FIP1L1: variants seen among roughly 807,000 people sequenced by gnomAD.
FIP1L1 encodes pre-mRNA 3'-end-processing factor FIP1.
In FIP1L1, 21 loss-of-function variants were observed where a neutral mutation model predicts 84.6. That is an observed-to-expected ratio of 0.25 (90% confidence interval 0.18 to 0.36). The LOEUF is 0.36. Among genes scored for constraint, FIP1L1 ranks in the 10% least tolerant of loss-of-function variants. FIP1L1 has a pLI of 1.00. For synonymous variants in FIP1L1, 263 were observed against 242.3 expected (o/e 1.09, Z -0.80); for missense variants, 526 against 751.1 (o/e 0.70, Z 3.50).
At chr4:53,422,750 T>C (rs1426509515) in intron 11 of FIP1L1, among the ~76,000 whole-genome samples, 2 of 151,990 alleles carry the variant, frequency 1.3e-5, no homozygotes, top group African/African-American at 4.8e-5. Context: ...GCTCTTGTTT[T>C]GTTGCCCAGT....
At chr4:53,379,804 A>T (rs765292175) in intron 3 of FIP1L1, among the ~76,000 whole-genome samples, 4 of 152,188 alleles carry the variant, frequency 2.6e-5, no homozygotes, top group Non-Finnish European at 5.9e-5. Flanking sequence ...ATATACAGGG[A>T]GTCAGAATTT....
At chr4:53,432,438 T>TA (rs1767187545) in intron 13 of FIP1L1, among the ~76,000 whole-genome samples, 1 of 136,074 alleles carries the variant, frequency 7.3e-6, no homozygotes, top group Non-Finnish European at 1.6e-5. Context: ...AGAAAACAAA[T>TA]ACTGGCTAAT....
chr4:53,383,053 T>A (rs1157411961), intron 4 of FIP1L1, among the ~76,000 whole-genome samples: 3 of 152,066 alleles, frequency 2.0e-5, no homozygotes, highest in Non-Finnish European at 2.9e-5. Context: ...ATTTGGTACA[T>A]TGTATTTGTG....
intron 13 of FIP1L1, among the ~76,000 whole-genome samples, chr4:53,440,244 A>T (rs1468425578): frequency 1.3e-5 from 2 of 152,182 alleles, no homozygotes; most frequent in South Asian, 4.1e-4. Context: ...TTAAAATAAC[A>T]ACCTCAGGCA....
chr4:53,452,772 G>A (rs1179437049), intron 15 of FIP1L1, 148 bp from the exon 16 acceptor site: 6 of 607,534 alleles, frequency 9.9e-6, no homozygotes, highest in South Asian at 4.1e-5. Flanking sequence ...GGATCTTCCC[G>A]ATACTGTGGG....
intron 10 of FIP1L1, among the ~76,000 whole-genome samples, chr4:53,411,042 G>T (rs1756984429): frequency 6.6e-6 from 1 of 152,126 alleles, no homozygotes; most frequent in South Asian, 2.1e-4. Context: ...TGACAGTCTT[G>T]TCGCTGCTTT....
At chr4:53,381,750 A>ATTTTTTTTTTTTTTTTTTTTTTTTTTTTT (rs1233462083) in intron 3 of FIP1L1, among the ~76,000 whole-genome samples, 1 of 63,068 alleles carries the variant, frequency 1.6e-5, no homozygotes, top group Non-Finnish European at 3.0e-5. Flanking sequence ...AGGCATTTGC[A>ATTTTTTTTTTTTTTTTTTTTTTTTTTTTT]TTCTTTTTTT....
chr4:53,391,837 A>T (rs1055671372), intron 9 of FIP1L1, among the ~76,000 whole-genome samples: 11 of 152,210 alleles, frequency 7.2e-5, no homozygotes, highest in African/African-American at 2.4e-4. Context: ...TATCAACAGA[A>T]TTGGAAACTT....
At chr4:53,444,291 G>A (rs1238235419) in intron 15 of FIP1L1, among the ~76,000 whole-genome samples, 188 bp downstream of exon 15, 1 of 152,188 alleles carries the variant, frequency 6.6e-6, no homozygotes, top group African/African-American at 2.4e-5. Flanking sequence ...TTTATCAACT[G>A]TGCTTTTAAA....
At chr4:53,404,346 T>A (rs1217441569) in intron 10 of FIP1L1, among the ~76,000 whole-genome samples, 1 of 151,940 alleles carries the variant, frequency 6.6e-6, no homozygotes, top group Non-Finnish European at 1.5e-5. Context: ...GAACTCATCA[T>A]TTTTTTATGG....
At chr4:53,421,376 T>C (rs1032397226) in intron 11 of FIP1L1, among the ~76,000 whole-genome samples, 7 of 152,300 alleles carry the variant, frequency 4.6e-5, no homozygotes, top group East Asian at 1.9e-4. Flanking sequence ...CACGTAGAAA[T>C]TGTGCACATA....
At chr4:53,436,685 T>G (rs1769354628) in intron 13 of FIP1L1, among the ~76,000 whole-genome samples, 2 of 152,210 alleles carry the variant, frequency 1.3e-5, no homozygotes, top group Non-Finnish European at 2.9e-5. Flanking sequence ...ACATTGAGAA[T>G]GAGTTTATAG....
At chr4:53,415,588 A>C (rs1208652909) in intron 11 of FIP1L1, among the ~76,000 whole-genome samples, 2 of 150,946 alleles carry the variant, frequency 1.3e-5, no homozygotes, top group South Asian at 4.2e-4. Context: ...GCTCAATGCT[A>C]TATAAATATG....
At position 53,437,466 on chromosome 4, in the gene FIP1L1, T is replaced by G. The variant is rs1238068195; in HGVS notation, c.1175-5187T>G. On this transcript the variant is annotated intron_variant, in intron 13 of 17. Transcript: ENST00000337488. ...TCATAAAAATTCGGAATGGGATTTATTTAGTCTGTACTAAATTGCTCAGCA... is the reference window on the plus strand; with the variant it reads ...TCATAAAAATTCGGAATGGGATTTAGTTAGTCTGTACTAAATTGCTCAGCA... 2.0e-5 allele frequency among the ~76,000 whole-genome samples: 3 copies of G among 152,108 alleles called. No homozygotes were observed. In the East Asian group the frequency reaches 5.8e-4, roughly 29 times the overall value.
chr4:53,394,770 C>A (rs55655046), intron 9 of FIP1L1, among the ~76,000 whole-genome samples: 63,114 of 151,542 alleles, frequency 0.42, 14,804 homozygotes, highest in Admixed American at 0.53. Flanking sequence ...TTGACTTTAA[C>A]ATGTAATGTT....
intron 9 of FIP1L1, among the ~76,000 whole-genome samples, chr4:53,393,656 G>A (rs1200463598): frequency 3.9e-5 from 6 of 151,938 alleles, no homozygotes; most frequent in Non-Finnish European, 1.5e-5. Flanking sequence ...CAAGAGAGAA[G>A]TGACTAGTGG....
chr4:53,459,191 G>A, intron 17 of FIP1L1, 111 bp from the exon 18 acceptor site: 1 of 742,380 alleles, frequency 1.3e-6, no homozygotes, highest in Non-Finnish European at 2.2e-6. Context: ...AAATGCATTA[G>A]ATTATTTTAA....
intron 10 of FIP1L1, among the ~76,000 whole-genome samples, chr4:53,405,991 A>G (rs1322135498): frequency 2.6e-5 from 4 of 151,852 alleles, no homozygotes; most frequent in African/African-American, 9.7e-5. Flanking sequence ...CTAATTGAAT[A>G]CCCTTTATTT....
At chr4:53,433,213 T>A (rs11133274) in intron 13 of FIP1L1, among the ~76,000 whole-genome samples, 2 of 151,984 alleles carry the variant, frequency 1.3e-5, no homozygotes, top group Non-Finnish European at 2.9e-5. Context: ...CACAATGTTA[T>A]GTAACCATCA....
Sources: gnomAD v4.1 joint callset for allele counts (sites outside exome capture counted in the v4.1 genomes callset) on GRCh38, gnomAD v4.1.1 for gene constraint, MANE v1.5 for transcripts, NCBI Gene and HGNC (gene_info 2026-07-23, HGNC 2026-07-21) for gene names.